NBAS: variants seen among roughly 807,000 people sequenced by gnomAD.
The protein encoded by NBAS is NAG/BC035112 fusion.
A neutral mutation model predicts 302.5 loss-of-function variants in NBAS; 219 were observed. That is an observed-to-expected ratio of 0.72 (90% confidence interval 0.65 to 0.81). The LOEUF is 0.81. Ranked by LOEUF, NBAS falls within the 30% of genes least tolerant of loss-of-function variation. The pLI, the probability that NBAS is intolerant of heterozygous loss-of-function variation, is 0.00. For synonymous variants in NBAS, 1,118 were observed against 1,021.6 expected (o/e 1.09, Z -1.80); for missense variants, 2,932 against 2,841.6 (o/e 1.03, Z -0.72).
chr2:14,896,743 G>C, the NBAS span, among the ~76,000 whole-genome samples: 2 of 152,186 alleles, frequency 1.3e-5, no homozygotes, highest in Admixed American at 1.3e-4. Flanking sequence ...GAGTGAAGAA[G>C]TCTGCAGGCC....
chr2:15,029,209 C>A, the NBAS span, among the ~76,000 whole-genome samples: 1 of 152,152 alleles, frequency 6.6e-6, no homozygotes, highest in Admixed American at 6.5e-5. Context: ...TTTTAAAGCT[C>A]GTAGAGAACT....
chr2:15,397,036 A>G (rs1290300390), intron 26 of NBAS, among the ~76,000 whole-genome samples: 9 of 152,238 alleles, frequency 5.9e-5, no homozygotes, highest in African/African-American at 2.2e-4. Context: ...GATAATCCCT[A>G]GTAGGGAGTG....
the NBAS span, among the ~76,000 whole-genome samples, chr2:14,835,702 A>G: frequency 6.6e-6 from 1 of 151,372 alleles, no homozygotes; most frequent in Non-Finnish European, 1.5e-5. Context: ...TCACTAGAAT[A>G]TAGTATTCAC....
chr2:15,259,460 C>T (rs1011258323), intron 44 of NBAS, among the ~76,000 whole-genome samples: 2 of 152,240 alleles, frequency 1.3e-5, no homozygotes, highest in Non-Finnish European at 1.5e-5. Flanking sequence ...TTCTAGCCAA[C>T]ACCTGGTGAT....
chr2:15,027,327 G>C, the NBAS span, among the ~76,000 whole-genome samples: 1 of 151,840 alleles, frequency 6.6e-6, no homozygotes, highest in Non-Finnish European at 1.5e-5. Flanking sequence ...TACATTTACT[G>C]CCTTTATTAT....
At chr2:14,955,093 A>G in the NBAS span, among the ~76,000 whole-genome samples, 31 of 152,260 alleles carry the variant, frequency 2.0e-4, no homozygotes, top group African/African-American at 6.5e-4. Flanking sequence ...ATGGAAGTAT[A>G]GGCATTCGGT....
the NBAS span, among the ~76,000 whole-genome samples, chr2:15,009,603 T>TACACACAC: frequency 4.6e-3 from 596 of 130,774 alleles, 8 homozygotes; most frequent in African/African-American, 0.016. Flanking sequence ...TGCAACATCA[T>TACACACAC]ACACACACAC....
At chr2:15,405,897 T>C (rs752423440) in intron 25 of NBAS, among the ~76,000 whole-genome samples, 1 of 152,006 alleles carries the variant, frequency 6.6e-6, no homozygotes, top group Non-Finnish European at 1.5e-5. Context: ...TTTCAAGCAA[T>C]TCTAAAAGAG....
chr2:15,162,338 C>G (rs1171629719), downstream of NBAS, among the ~76,000 whole-genome samples: 3 of 152,168 alleles, frequency 2.0e-5, no homozygotes, highest in Non-Finnish European at 4.4e-5. Context: ...CAGAACCCCC[C>G]TAGGTCATCT....
chr2:15,520,638 C>CA (rs553524283), intron 9 of NBAS, among the ~76,000 whole-genome samples: 169 of 149,890 alleles, frequency 1.1e-3, no homozygotes, highest in African/African-American at 3.9e-3. Flanking sequence ...ATATGTAAAA[C>CA]AAAAAAAAGT....
At chr2:15,378,914 C>G (rs2148371196) in intron 30 of NBAS, among the ~76,000 whole-genome samples, 1 of 152,138 alleles carries the variant, frequency 6.6e-6, no homozygotes, top group South Asian at 2.1e-4. Flanking sequence ...TGTTTTATTC[C>G]TTGATCTAGA....
intron 48 of NBAS, among the ~76,000 whole-genome samples, chr2:15,202,520 G>GTTTA (rs57260326): frequency 0.011 from 1,714 of 149,900 alleles, 13 homozygotes; most frequent in East Asian, 0.03. Context: ...GTGTTTGTTT[G>GTTTA]TTTATTTATT....
the NBAS span, among the ~76,000 whole-genome samples, chr2:14,837,741 A>C: frequency 6.6e-6 from 1 of 151,792 alleles, no homozygotes; most frequent in Admixed American, 6.6e-5. Flanking sequence ...AACCCTAAAA[A>C]AATTATATTT....
intron 20 of NBAS, 127 bp downstream of exon 20, chr2:15,461,560 C>G: frequency 9.2e-6 from 7 of 761,202 alleles, no homozygotes; most frequent in South Asian, 5.5e-5. Context: ...AAAATTTTCT[C>G]TACACTTATT....
chr2:15,308,217 CT>C lies in NBAS; in HGVS notation c.4795del (p.Arg1599GlyfsTer7). The part of the protein sequence containing the change: ...CFRDKCHPLY[R>X]ADPKELIKMV... ...AAGCTGGAAATCATGAAGACTCACC[CT>C]GTAAAGAGGATGGCACTTGTCCCTG... On this transcript the variant is annotated frameshift_variant and splice_region_variant, in exon 40 of 52. Coordinates refer to ENST00000281513, the MANE Select transcript of NBAS (RefSeq NM_015909.4). LOFTEE classifies it high-confidence loss of function. The C allele has an allele frequency of 6.2e-7, 1 of 1,614,140 alleles. No homozygotes were observed.
intron 44 of NBAS, 90 bp from the exon 45 acceptor site, chr2:15,238,776 A>T (rs1667726122): frequency 1.7e-6 from 2 of 1,145,504 alleles, no homozygotes; most frequent in South Asian, 3.1e-5. Context: ...CAAAAGTGAA[A>T]TTTTTGTATA....
chr2:15,490,010 G>A (rs529083224), intron 11 of NBAS, among the ~76,000 whole-genome samples: 1 of 152,252 alleles, frequency 6.6e-6, no homozygotes, highest in African/African-American at 2.4e-5. Context: ...GATGACAACA[G>A]AACTTGGTAG....
the NBAS span, among the ~76,000 whole-genome samples, chr2:15,026,640 T>C: frequency 2.0e-5 from 3 of 152,190 alleles, no homozygotes; most frequent in Non-Finnish European, 4.4e-5. Context: ...AGCTTTTTAA[T>C]GTGCTTCTGG....
At chr2:15,539,440 T>C (rs1663690904) in intron 6 of NBAS, 84 bp from the exon 7 acceptor site, 1 of 1,494,618 alleles carries the variant, frequency 6.7e-7, no homozygotes, top group Non-Finnish European at 9.3e-7. Flanking sequence ...CTAAAGTAAG[T>C]ATTCAAGTAC....
Sources: gnomAD v4.1 joint callset for allele counts (sites outside exome capture counted in the v4.1 genomes callset) on GRCh38, gnomAD v4.1.1 for gene constraint, MANE v1.5 for transcripts, NCBI Gene and HGNC (gene_info 2026-07-23, HGNC 2026-07-21) for gene names.